CHN2: variants seen among roughly 807,000 people sequenced by gnomAD.
CHN2 encodes the protein beta-chimaerin.
In CHN2, 35 loss-of-function variants were observed where a neutral mutation model predicts 56.3. That is an observed-to-expected ratio of 0.62 (90% CI 0.47 to 0.82). The LOEUF (loss-of-function observed/expected upper bound fraction) is 0.82, where lower values mean the gene tolerates loss of function less well. Ranked by LOEUF, CHN2 falls within the 40% of genes least tolerant of loss-of-function variation. The pLI is 0.00. For missense variants in CHN2, 491 were observed against 580.5 expected (o/e 0.85, Z 1.58); for synonymous variants, 210 against 212.8 (o/e 0.99, Z 0.12).
At chr7:29,378,541 T>C (rs1309658873) in intron 3 of CHN2, among the ~76,000 whole-genome samples, 1 of 152,252 alleles carries the variant, frequency 6.6e-6, no homozygotes, top group Non-Finnish European at 1.5e-5. Flanking sequence ...CTGTGGCTGC[T>C]TTCATGCTAC....
chr7:29,176,140 C>A (rs553423114), intron 2 of CHN2, among the ~76,000 whole-genome samples: 2 of 151,506 alleles, frequency 1.3e-5, no homozygotes, highest in Non-Finnish European at 2.9e-5. Context: ...GAGCCAAGAT[C>A]GCGCCACTGC....
chr7:29,482,873 G>T (rs12113869), intron 7 of CHN2, among the ~76,000 whole-genome samples: 1 of 120,134 alleles, frequency 8.3e-6, no homozygotes, highest in East Asian at 2.6e-4. Flanking sequence ...CCAGGTTGGA[G>T]TGCAGTGGCG....
intron 6 of CHN2, among the ~76,000 whole-genome samples, chr7:29,436,330 G>A (rs1291536954): frequency 1.1e-4 from 16 of 152,016 alleles, no homozygotes; most frequent in Admixed American, 6.6e-5. Flanking sequence ...TTTTAAAGTA[G>A]GTAAATTGGC....
rs896864171 is a variant in CHN2, at chr7:29,506,101, T to C, written c.992-1127T>C. ...TGTCATAGTCTGTGACAAATTGGAG[T>C]GGTATTTCCTAACGGTAAAACTAAA... On this transcript the variant is annotated intron_variant, in intron 10 of 12. Coordinates refer to ENST00000222792, the MANE Select transcript of CHN2 (RefSeq NM_004067.4). 2.6e-5 allele frequency among the ~76,000 whole-genome samples: 4 copies of C among 152,012 alleles called. No homozygotes were observed. In the East Asian group the frequency reaches 5.8e-4, roughly 22 times the overall value.
intron 1 of CHN2, among the ~76,000 whole-genome samples, chr7:29,339,657 A>G (rs897945945): frequency 6.6e-6 from 1 of 152,168 alleles, no homozygotes; most frequent in African/African-American, 2.4e-5. Context: ...GTTCAAGACC[A>G]ACCTGGCCAA....
chr7:29,223,945 A>G (rs1194438948), intron 1 of CHN2, among the ~76,000 whole-genome samples: 1 of 152,050 alleles, frequency 6.6e-6, no homozygotes, highest in Non-Finnish European at 1.5e-5. Context: ...TTGACTTAAA[A>G]CTCTTAAAAT....
intron 9 of CHN2, among the ~76,000 whole-genome samples, chr7:29,502,761 C>T (rs1036337729): frequency 2.0e-5 from 3 of 151,066 alleles, no homozygotes; most frequent in East Asian, 1.9e-4. Context: ...TTAAAAGTGA[C>T]GGGATACATG....
chr7:29,351,620 A>G (rs751841010), intron 1 of CHN2, among the ~76,000 whole-genome samples: 15 of 152,208 alleles, frequency 9.9e-5, no homozygotes, highest in Admixed American at 7.9e-4. Flanking sequence ...CCAGTGAGCC[A>G]TGCAGCGATC....
At chr7:29,182,941 C>G (rs2128744646) in intron 2 of CHN2, among the ~76,000 whole-genome samples, 1 of 152,176 alleles carries the variant, frequency 6.6e-6, no homozygotes, top group East Asian at 1.9e-4. Flanking sequence ...CAGCTGGATT[C>G]TACATTTTTG....
chr7:29,181,936 C>G (rs1204055606), intron 2 of CHN2, among the ~76,000 whole-genome samples: 1 of 152,106 alleles, frequency 6.6e-6, no homozygotes, highest in Non-Finnish European at 1.5e-5. Flanking sequence ...TTACTTATCT[C>G]TTTTTTGCCT....
chr7:29,402,337 C>G (rs564205490), intron 6 of CHN2, among the ~76,000 whole-genome samples: 11 of 152,290 alleles, frequency 7.2e-5, no homozygotes, highest in African/African-American at 2.6e-4. Flanking sequence ...TTTTATAACT[C>G]CAGTGTCTCC....
In CHN2 at chr7:29,410,363, T is replaced by C. The variant is rs146203252; in HGVS notation, c.576+9535T>C. ...TGGCTGTGAGTAAAATATTAATGTT[T>C]GTTTATTAGTCTAGGTGGGATGATA... is the stretch of plus-strand genomic sequence containing the variant. On this transcript the variant is annotated intron_variant, in intron 6 of 12. Coordinates refer to ENST00000222792, the MANE Select transcript of CHN2 (RefSeq NM_004067.4). 4.7e-4 allele frequency among the ~76,000 whole-genome samples: 72 copies of C among 152,248 alleles called. 1 individual carries two copies. Among genetic ancestry groups the C allele is most frequent in the African/African-American group, 1.5e-3 (61 of 41,552 alleles).
chr7:29,360,869 A>G (rs1798683058), intron 2 of CHN2, among the ~76,000 whole-genome samples: 1 of 152,198 alleles, frequency 6.6e-6, no homozygotes, highest in African/African-American at 2.4e-5. Context: ...CTGTTCCCAG[A>G]GTGAGTCAAG....
chr7:29,479,778 G>A, intron 6 of CHN2: 1 of 1,201,042 alleles, frequency 8.3e-7, no homozygotes, highest in South Asian at 1.9e-5. Flanking sequence ...GCTGCGGCAG[G>A]AGAAAGCAGG....
chr7:29,280,480 G>C (rs1251962181), intron 1 of CHN2, among the ~76,000 whole-genome samples: 1 of 152,168 alleles, frequency 6.6e-6, no homozygotes, highest in Non-Finnish European at 1.5e-5. Flanking sequence ...TTGGGGGCTT[G>C]TTGGTTTTGG....
intron 1 of CHN2, among the ~76,000 whole-genome samples, chr7:29,261,362 C>T (rs185233891): frequency 2.0e-5 from 3 of 152,242 alleles, no homozygotes; most frequent in Non-Finnish European, 4.4e-5. Flanking sequence ...CACTTCATCT[C>T]CAAACCCATT....
At chr7:29,406,320 A>G (rs1802646773) in intron 6 of CHN2, among the ~76,000 whole-genome samples, 1 of 152,084 alleles carries the variant, frequency 6.6e-6, no homozygotes, top group Non-Finnish European at 1.5e-5. Flanking sequence ...GGAGCTGATC[A>G]CCTTCTCAGG....
intron 1 of CHN2, among the ~76,000 whole-genome samples, chr7:29,257,888 A>G (rs1411464976): frequency 2.0e-5 from 3 of 152,064 alleles, no homozygotes; most frequent in African/African-American, 4.8e-5. Context: ...CTTGGGCCCC[A>G]GTGATCCTCC....
intron 2 of CHN2, among the ~76,000 whole-genome samples, chr7:29,162,414 C>G (rs946670244): frequency 6.6e-6 from 1 of 152,184 alleles, no homozygotes; most frequent in African/African-American, 2.4e-5. Context: ...GTAATCCCAG[C>G]ACTTTGGGAG....
Sources: gnomAD v4.1 joint callset for allele counts (sites outside exome capture counted in the v4.1 genomes callset) on GRCh38, gnomAD v4.1.1 for gene constraint, MANE v1.5 for transcripts, NCBI Gene and HGNC (gene_info 2026-07-23, HGNC 2026-07-21) for gene names.